TUBGCP3: variants seen among roughly 807,000 people sequenced by gnomAD.
TUBGCP3 encodes tubulin gamma complex component 3.
A neutral mutation model predicts 123.1 loss-of-function variants in TUBGCP3; 50 were observed. The ratio of observed to expected loss-of-function variants is 0.41; its 90% CI spans 0.32 to 0.51. The LOEUF (loss-of-function observed/expected upper bound fraction) is 0.51. TUBGCP3 is among the 20% of genes least tolerant of loss of function. The pLI, the probability that TUBGCP3 is intolerant of heterozygous loss-of-function variation, is 0.36. For missense variants in TUBGCP3, 882 were observed against 1,127.0 expected (o/e 0.78, Z 3.11); for synonymous variants, 405 against 413.9 (o/e 0.98, Z 0.26).
chr13:112,504,266 T>A (rs1443159810), intron 18 of TUBGCP3, 103 bp from the exon 19 acceptor site: 7 of 1,431,578 alleles, frequency 4.9e-6, no homozygotes, highest in African/African-American at 1.4e-5. Context: ...GGCGGGCAGA[T>A]CACCTGAGAT....
chr13:112,510,100 C>A (rs934280950), intron 17 of TUBGCP3, among the ~76,000 whole-genome samples: 3 of 152,168 alleles, frequency 2.0e-5, no homozygotes, highest in African/African-American at 7.2e-5. Flanking sequence ...CCACACTGGA[C>A]GGCCGATACA....
At chr13:112,594,160 A>G in the TUBGCP3 span, among the ~76,000 whole-genome samples, 1 of 152,226 alleles carries the variant, frequency 6.6e-6, no homozygotes. Flanking sequence ...CTTCCCAAAT[A>G]TTTTACAAGG....
chr13:112,547,688 A>G lies in TUBGCP3; in HGVS notation c.1100T>C (p.Leu367Pro). ...TTTGGGATCATAGGTCCAAACCAGG[A>G]GGCGCCGAAGTGTTAAACTACTCTC... ...GLESSLTLRR[L>P]LVWTYDPKIR... Residue 367 changes from leucine to proline, a missense_variant, in exon 10 of 22, where the codon CTC becomes CCC. Physicochemically the swap from Leu to Pro is moderately conservative, Grantham distance 98. Around this residue, in one of 3 missense-constraint regions of TUBGCP3, gnomAD observed 713 missense variants for 874.0 expected, o/e 0.82. Transcript: ENST00000261965. 6.3e-7 allele frequency: 1 copy of G among 1,581,558 alleles called. No individual in the cohort carries two copies. Among genetic ancestry groups the G allele is most frequent in the Non-Finnish European group, 8.6e-7 (1 of 1,161,554 alleles).
rs753608776 is a variant in TUBGCP3, at chr13:112,499,203, G to A, written c.2308-18C>T. ...AAAAGTGCCTGAAAGAGATGACAAT[G>A]TTTTATGAATAGAGCCTCAACCAGC... On this transcript the variant is annotated intron_variant, in intron 19 of 21. Coordinates refer to ENST00000261965, the MANE Select transcript of TUBGCP3 (RefSeq NM_006322.6). 1 of 1,590,972 alleles carries A rather than the reference G, an allele frequency of 6.3e-7. No individual in the cohort carries two copies. The highest frequency in any genetic ancestry group is 8.5e-7 in the Non-Finnish European group (1 of 1,170,176).
rs1024434841 is a variant in TUBGCP3 at position 112,499,052 on chromosome 13, T to A, written c.2441A>T (p.Glu814Val). The A allele has an allele frequency of 1.2e-6, 2 of 1,614,188 alleles. No homozygotes were observed. Among genetic ancestry groups the A allele is most frequent in the Non-Finnish European group, 1.7e-6 (2 of 1,180,020 alleles). Residue 814 changes from glutamate to valine, a missense_variant, in exon 20 of 22, where the codon GAA becomes GTA. Coordinates refer to ENST00000261965, the MANE Select transcript of TUBGCP3 (RefSeq NM_006322.6). ...LQFEEKKKQR[E>V]IEGQWGVTAA... ...CAAGTGTAAAGACCATACCTCAATT[T>A]CACGCTGTTTCTTTTTCTCTTCAAA... is the stretch of plus-strand genomic sequence containing the variant.
intron 17 of TUBGCP3, among the ~76,000 whole-genome samples, chr13:112,507,935 C>T (rs1352310970): frequency 6.6e-6 from 1 of 152,102 alleles, no homozygotes; most frequent in African/African-American, 2.4e-5. Flanking sequence ...TCTTTAATGT[C>T]ACACTGGGAA....
At chr13:112,567,583 C>A (rs1220140148) in intron 2 of TUBGCP3, among the ~76,000 whole-genome samples, 1 of 152,054 alleles carries the variant, frequency 6.6e-6, no homozygotes, top group Non-Finnish European at 1.5e-5. Context: ...GTATAAATAC[C>A]CCATTTTTAT....
chr13:112,498,415 A>T (rs560154476), intron 20 of TUBGCP3, among the ~76,000 whole-genome samples: 2 of 152,304 alleles, frequency 1.3e-5, no homozygotes, highest in East Asian at 1.9e-4. Context: ...AATTTTATAT[A>T]TTTTTTATAA....
intron 8 of TUBGCP3, among the ~76,000 whole-genome samples, chr13:112,551,169 T>G (rs1177145161): frequency 6.6e-6 from 1 of 152,018 alleles, no homozygotes; most frequent in African/African-American, 2.4e-5. Context: ...AATCTAAGTA[T>G]TTATATACAG....
intron 13 of TUBGCP3, among the ~76,000 whole-genome samples, chr13:112,522,995 C>T (rs1300823667): frequency 6.6e-6 from 1 of 152,094 alleles, no homozygotes; most frequent in African/African-American, 2.4e-5. Flanking sequence ...GGGGACAAAA[C>T]CAGATTGTCA....
Position 112,486,020 on chromosome 13 carries a change from G to A in TUBGCP3, c.2697C>T (p.Thr899=), listed in dbSNP as rs376227033. Residue 899 remains threonine, a synonymous_variant, in exon 22 of 22, where the codon ACC becomes ACT. Coordinates refer to ENST00000261965, the MANE Select transcript of TUBGCP3 (RefSeq NM_006322.6). The part of the protein sequence containing the change: ...REPRLRVSLG[T]RGRRSSHT ...ACGTGTGGGAGCTGCGCCGCCCCCT[G>A]GTACCCAGAGACACACGGAGCCTGG... The A allele has an allele frequency of 7.5e-6, 12 of 1,606,962 alleles. No homozygotes were observed. In the African/African-American group the frequency reaches 1.2e-4, roughly 16 times the overall value.
intron 1 of TUBGCP3, among the ~76,000 whole-genome samples, chr13:112,581,487 C>G (rs1183677182): frequency 6.9e-6 from 1 of 145,286 alleles, no homozygotes; most frequent in Non-Finnish European, 1.5e-5. Context: ...ACTCTGTCGC[C>G]CAGGCTGGAG....
intron 17 of TUBGCP3, among the ~76,000 whole-genome samples, chr13:112,514,978 G>A (rs552113635): frequency 2.0e-5 from 3 of 152,304 alleles, no homozygotes; most frequent in Admixed American, 6.5e-5. Context: ...TTTCAATAGC[G>A]AGGGGGAAGG....
At chr13:112,558,011 G>C (rs1008463979) in intron 5 of TUBGCP3, among the ~76,000 whole-genome samples, 185 bp downstream of exon 5, 1 of 152,246 alleles carries the variant, frequency 6.6e-6, no homozygotes, top group African/African-American at 2.4e-5. Context: ...AACTCCTGCT[G>C]TAGCATAGCT....
intron 1 of TUBGCP3, among the ~76,000 whole-genome samples, chr13:112,579,772 G>A (rs1040226787): frequency 6.6e-6 from 1 of 152,266 alleles, no homozygotes; most frequent in African/African-American, 2.4e-5. Context: ...CTGGAAAAGA[G>A]TCTGGCAACT....
the TUBGCP3 span, among the ~76,000 whole-genome samples, chr13:112,594,986 A>T: frequency 6.6e-6 from 1 of 152,082 alleles, no homozygotes; most frequent in Non-Finnish European, 1.5e-5. Flanking sequence ...ATCTTTTTAT[A>T]TGTTTTGTGG....
At chr13:112,548,455 G>C (rs1023949136) in intron 8 of TUBGCP3, among the ~76,000 whole-genome samples, 2 of 152,166 alleles carry the variant, frequency 1.3e-5, no homozygotes, top group Non-Finnish European at 2.9e-5. Context: ...AGTGACTTTA[G>C]AGAATGATCC....
the TUBGCP3 span, chr13:112,605,441 C>G: frequency 6.6e-6 from 1 of 152,116 alleles, no homozygotes; most frequent in Non-Finnish European, 1.5e-5. Flanking sequence ...TTCCATGGAG[C>G]TCAGGCTGTC....
chr13:112,536,456 T>C (rs1048495339), intron 11 of TUBGCP3, among the ~76,000 whole-genome samples: 1 of 152,226 alleles, frequency 6.6e-6, no homozygotes, highest in Admixed American at 6.5e-5. Flanking sequence ...TTTAGGCCTT[T>C]TTCATTCCTC....
Sources: gnomAD v4.1 joint callset for allele counts (sites outside exome capture counted in the v4.1 genomes callset) on GRCh38, gnomAD v4.1.1 for gene constraint, gnomAD v4.1.1 regional missense constraint, MANE v1.5 for transcripts, NCBI Gene and HGNC (gene_info 2026-07-23, HGNC 2026-07-21) for gene names.